FSTL4: variants seen among roughly 807,000 people sequenced by gnomAD.
The protein encoded by FSTL4 is follistatin-related protein 4.
In FSTL4, 28 loss-of-function variants were observed where a neutral mutation model predicts 78.2. That is an observed-to-expected ratio of 0.36 (90% CI 0.27 to 0.49). The LOEUF is 0.49. Ranked by LOEUF, FSTL4 falls within the 20% of genes least tolerant of loss-of-function variation. The pLI is 0.98. For missense variants in FSTL4, 922 were observed against 1,084.9 expected (o/e 0.85, Z 2.11); for synonymous variants, 422 against 440.5 (o/e 0.96, Z 0.53).
At chr5:133,759,927 TG>T in the FSTL4 span, among the ~76,000 whole-genome samples, 182 of 152,312 alleles carry the variant, frequency 1.2e-3, no homozygotes, top group African/African-American at 4.2e-3. Flanking sequence ...ACACATACAA[TG>T]AAAACACTGG....
chr5:133,759,513 G>A, the FSTL4 span, among the ~76,000 whole-genome samples: 1 of 152,130 alleles, frequency 6.6e-6, no homozygotes, highest in Non-Finnish European at 1.5e-5. Flanking sequence ...ATTTATTATG[G>A]CAATGTTTGT....
the FSTL4 span, among the ~76,000 whole-genome samples, chr5:133,677,858 G>A: frequency 6.6e-6 from 1 of 152,282 alleles, no homozygotes; most frequent in African/African-American, 2.4e-5. Context: ...ATTATTCTAG[G>A]TGCTGAGAAG....
the FSTL4 span, among the ~76,000 whole-genome samples, chr5:133,643,428 G>T: frequency 6.6e-6 from 1 of 152,172 alleles, no homozygotes; most frequent in East Asian, 1.9e-4. Flanking sequence ...TGAGGCTATT[G>T]TGTAGGGATG....
the FSTL4 span, among the ~76,000 whole-genome samples, chr5:133,642,856 G>C: frequency 3.9e-5 from 6 of 152,198 alleles, no homozygotes; most frequent in African/African-American, 1.4e-4. Flanking sequence ...AATCACAGGG[G>C]TATTACAAGG....
chr5:133,767,354 GC>G, the FSTL4 span, among the ~76,000 whole-genome samples: 6 of 152,182 alleles, frequency 3.9e-5, no homozygotes, highest in African/African-American at 1.4e-4. Flanking sequence ...ATGCCAGAGA[GC>G]CCTCAGGCAC....
chr5:133,419,750 A>C (rs1756653619), intron 3 of FSTL4, among the ~76,000 whole-genome samples: 1 of 152,210 alleles, frequency 6.6e-6, no homozygotes, highest in African/African-American at 2.4e-5. Context: ...ATCCTTGCCA[A>C]CACTGGCTAT....
intron 4 of FSTL4, among the ~76,000 whole-genome samples, chr5:133,360,343 A>T (rs1332675338): frequency 6.6e-6 from 1 of 152,246 alleles, no homozygotes; most frequent in Non-Finnish European, 1.5e-5. Context: ...TGACCTTAAC[A>T]CATGAAAATG....
At chr5:133,598,928 C>A (rs891500553) in intron 2 of FSTL4, among the ~76,000 whole-genome samples, 10 of 152,152 alleles carry the variant, frequency 6.6e-5, no homozygotes, top group Non-Finnish European at 1.5e-4. Flanking sequence ...CGTTGGTTCA[C>A]CGGGAAGAGG....
intron 3 of FSTL4, among the ~76,000 whole-genome samples, chr5:133,478,007 C>T (rs1757956926): frequency 6.6e-6 from 1 of 152,164 alleles, no homozygotes. Context: ...TCATTAATGC[C>T]AGCCATACAA....
chr5:133,743,944 A>C, the FSTL4 span, among the ~76,000 whole-genome samples: 2 of 152,218 alleles, frequency 1.3e-5, no homozygotes, highest in Non-Finnish European at 2.9e-5. Context: ...ATTGAGATAT[A>C]AATGTTTCTA....
chr5:133,200,228 G>A (rs1750276765), intron 15 of FSTL4, among the ~76,000 whole-genome samples: 1 of 152,246 alleles, frequency 6.6e-6, no homozygotes, highest in Non-Finnish European at 1.5e-5. Context: ...TAAGAAAAGA[G>A]TTCTATATCC....
At chr5:133,406,380 C>T (rs73280146) in intron 3 of FSTL4, among the ~76,000 whole-genome samples, 1,742 of 152,344 alleles carry the variant, frequency 0.011, 27 homozygotes, top group African/African-American at 0.039. Flanking sequence ...CCAACTGTCC[C>T]ACCTGGGAAG....
chr5:133,354,513 C>T (rs1363768811), intron 4 of FSTL4, among the ~76,000 whole-genome samples: 1 of 152,184 alleles, frequency 6.6e-6, no homozygotes, highest in Non-Finnish European at 1.5e-5. Flanking sequence ...CCAGGTCTCA[C>T]TGAGGAAGTA....
At chr5:133,601,855 T>C (rs1215521371) in intron 2 of FSTL4, among the ~76,000 whole-genome samples, 1 of 151,862 alleles carries the variant, frequency 6.6e-6, no homozygotes, top group Non-Finnish European at 1.5e-5. Flanking sequence ...AGCTCACTTT[T>C]GTATTTTTAG....
the FSTL4 span, among the ~76,000 whole-genome samples, chr5:133,687,972 A>C: frequency 2.0e-5 from 3 of 152,220 alleles, no homozygotes; most frequent in Non-Finnish European, 4.4e-5. Flanking sequence ...CAAAATGGGA[A>C]GGAAAAAGGG....
intron 3 of FSTL4, among the ~76,000 whole-genome samples, chr5:133,539,949 G>GTTTT (rs10623473): frequency 6.8e-6 from 1 of 147,254 alleles, no homozygotes; most frequent in Non-Finnish European, 1.5e-5. Context: ...TTCTGTGAAG[G>GTTTT]TTTTTTTTTT....
the FSTL4 span, among the ~76,000 whole-genome samples, chr5:133,703,599 A>G: frequency 3.9e-5 from 6 of 152,348 alleles, 1 homozygote; most frequent in South Asian, 1.2e-3. Flanking sequence ...GGGGCCAGCC[A>G]GGATGGAAAA....
At chr5:133,495,674 G>A (rs1328603649) in intron 3 of FSTL4, among the ~76,000 whole-genome samples, 1 of 152,124 alleles carries the variant, frequency 6.6e-6, no homozygotes, top group East Asian at 1.9e-4. Context: ...ACCACTCCGG[G>A]GCCTAACGAG....
At chr5:133,476,944 G>A (rs963304992) in intron 3 of FSTL4, among the ~76,000 whole-genome samples, 86 of 152,284 alleles carry the variant, frequency 5.6e-4, no homozygotes, top group African/African-American at 2.0e-3. Flanking sequence ...CCATGACCTT[G>A]GCCTCTTAGG....
Sources: gnomAD v4.1 joint callset for allele counts (sites outside exome capture counted in the v4.1 genomes callset) on GRCh38, gnomAD v4.1.1 for gene constraint, MANE v1.5 for transcripts, NCBI Gene and HGNC (gene_info 2026-07-23, HGNC 2026-07-21) for gene names.